The following STARD3 variants were observed in gnomAD, a reference collection of about 807,000 sequenced individuals.
STARD3 encodes the protein stAR-related lipid transfer protein 3.
STARD3 carries 39 observed loss-of-function variants against 62.0 expected under a neutral mutation model. The observed-to-expected ratio is 0.63, with a 90% CI of 0.49 to 0.82. The LOEUF is 0.82. STARD3 is among the 40% of genes least tolerant of loss of function. The probability of loss-of-function intolerance (pLI) is 0.00; values close to 1 mark genes in which losing one functional copy is unlikely to be tolerated. For synonymous variants in STARD3, 229 were observed against 242.4 expected, an observed-to-expected ratio of 0.94 and a Z score of 0.51; for missense variants, 543 against 584.5, an observed-to-expected ratio of 0.93 and a Z score of 0.73.
At chr17:39,655,413 G>A (rs951959950) in intron 2 of STARD3, among the ~76,000 whole-genome samples, 18 of 151,860 alleles carry the variant, frequency 1.2e-4, no homozygotes, top group African/African-American at 4.4e-4. Flanking sequence ...CAAACTCCTG[G>A]GCTCAAGTGA....
In STARD3 at chr17:39,660,142, C is replaced by T. The variant is rs1440314205; in HGVS notation, c.796-69C>T. 1 of 1,540,958 alleles carries T rather than the reference C, an allele frequency of 6.5e-7. No homozygotes were observed. The highest frequency in any genetic ancestry group is 1.4e-5 in the African/African-American group (1 of 73,282). Reference sequence around the variant, plus strand: ...GTTAAAAACCTGCCCTGCCTGTCACCCATTTCTGTGCCACCAGCCCACCCC... The same window carrying T: ...GTTAAAAACCTGCCCTGCCTGTCACTCATTTCTGTGCCACCAGCCCACCCC... On this transcript the variant is annotated intron_variant, in intron 9 of 14. Coordinates refer to ENST00000336308, the MANE Select transcript of STARD3 (RefSeq NM_006804.4). The surrounding 1 kb of genome is among the most constrained non-coding windows in gnomAD (Gnocchi z 4.8).
chr17:39,647,879 T>G (rs1232153317), intron 1 of STARD3, among the ~76,000 whole-genome samples: 1 of 152,218 alleles, frequency 6.6e-6, no homozygotes, highest in Non-Finnish European at 1.5e-5. Context: ...GTGTGGTGGC[T>G]CATGCCTGTA....
chr17:39,660,313 A>G lies in STARD3; in HGVS notation c.858+40A>G, dbSNP rs773563050. 6.2e-7 allele frequency: 1 copy of G among 1,613,158 alleles called. No individual in the cohort carries two copies. Among genetic ancestry groups the G allele is most frequent in the Admixed American group, 1.7e-5 (1 of 60,010 alleles). On this transcript the variant is annotated intron_variant, in intron 10 of 14. Coordinates refer to ENST00000336308, the MANE Select transcript of STARD3 (RefSeq NM_006804.4). The surrounding 1 kb of genome is among the most constrained non-coding windows in gnomAD (Gnocchi z 4.8). ...CGGGTGTCCTGGAGCCCCAGACAGC[A>G]CAGGAGGCTCCAGGAAGGTGCCGAG...
At chr17:39,641,394 A>G (rs891995586) in intron 1 of STARD3, among the ~76,000 whole-genome samples, 1 of 151,932 alleles carries the variant, frequency 6.6e-6, no homozygotes, top group African/African-American at 2.4e-5. Flanking sequence ...ACAGTGTCCT[A>G]TGATCGCGCC....
rs548144098 is a variant in STARD3, at chr17:39,656,135, G to A, written c.220-873G>A. 1.6e-4 allele frequency among the ~76,000 whole-genome samples: 25 copies of A among 152,144 alleles called. No individual in the cohort carries two copies. The South Asian group carries it at 4.8e-3, about 29-fold the overall frequency. On this transcript the variant is annotated intron_variant, in intron 2 of 14. Transcript: ENST00000336308. ...ACATGGTGGGGCTGTGTGCTCAGTG[G>A]GGGAGCATCTGTATCTTTAACAAGC...
intron 1 of STARD3, among the ~76,000 whole-genome samples, chr17:39,651,014 G>A (rs2057073088): frequency 6.6e-6 from 1 of 152,230 alleles, no homozygotes; most frequent in East Asian, 1.9e-4. Flanking sequence ...GTCTGGCACA[G>A]ATCTGGCTGA....
chr17:39,656,582 C>T (rs921492696), intron 2 of STARD3, among the ~76,000 whole-genome samples: 22 of 152,306 alleles, frequency 1.4e-4, no homozygotes, highest in African/African-American at 4.8e-4. Context: ...CCACTGCCCA[C>T]CCCCACCCCC....
At chr17:39,639,885 C>T (rs550111839) in intron 1 of STARD3, among the ~76,000 whole-genome samples, 4 of 152,234 alleles carry the variant, frequency 2.6e-5, no homozygotes, top group African/African-American at 9.6e-5. Context: ...CAGATGGCCC[C>T]TCCTCCCTGT....
intron 13 of STARD3, among the ~76,000 whole-genome samples, chr17:39,661,560 G>T (rs1192791604): frequency 1.3e-5 from 2 of 152,168 alleles, no homozygotes; most frequent in African/African-American, 4.8e-5. Flanking sequence ...TGGCCTTCCC[G>T]CATCTGTGCC....
chr17:39,659,254 C>A, intron 8 of STARD3, 148 bp downstream of exon 8: 1 of 1,142,728 alleles, frequency 8.8e-7, no homozygotes, highest in South Asian at 1.4e-5. Context: ...CACCACCAGT[C>A]CGGCCCCCCT....
chr17:39,651,147 G>A (rs1416075647), intron 1 of STARD3, among the ~76,000 whole-genome samples: 2 of 152,198 alleles, frequency 1.3e-5, no homozygotes, highest in Admixed American at 1.3e-4. Context: ...CTCAGAGTGT[G>A]GTGTTGGGAG....
rs776055171 is a variant in STARD3, at chr17:39,657,758, C to T, written c.298-17C>T. On this transcript the variant is annotated splice_polypyrimidine_tract_variant and intron_variant, in intron 3 of 14. Coordinates refer to ENST00000336308, the MANE Select transcript of STARD3 (RefSeq NM_006804.4). ...GCAGTAGCTTCCTGTGACTGCCTTG[C>T]TCCCGTCCCCCACCAGGTCCTGGCC... 6.2e-7 allele frequency: 1 copy of T among 1,614,046 alleles called. No homozygotes were observed. The highest frequency in any genetic ancestry group is 8.5e-7 in the Non-Finnish European group (1 of 1,179,926).
At chr17:39,641,157 C>G (rs1567853252) in intron 1 of STARD3, among the ~76,000 whole-genome samples, 1 of 152,198 alleles carries the variant, frequency 6.6e-6, no homozygotes. Context: ...GGATTGATGT[C>G]CAACCCCAAA....
In STARD3 at chr17:39,653,725, C is replaced by T; in HGVS notation, c.194C>T (p.Ser65Phe). 1 of 1,614,186 alleles carries T rather than the reference C, an allele frequency of 6.2e-7. No homozygotes were observed. The highest frequency in any genetic ancestry group is 8.5e-7 in the Non-Finnish European group (1 of 1,180,032). Reference sequence around the variant, plus strand: ...GTCACCTTCGACCTGCTCTTCATCTCCCTGCTCTGGATCATCGAACTGAAT... The same window carrying T: ...GTCACCTTCGACCTGCTCTTCATCTTCCTGCTCTGGATCATCGAACTGAAT... ...LFVTFDLLFISLLWIIELNTN... is the reference protein window; with the variant it reads ...LFVTFDLLFIFLLWIIELNTN... The change falls in exon 2 of 15, where the codon TCC becomes TTC. Residue 65 changes from serine to phenylalanine, a missense_variant. Ser to Phe is a radical substitution (Grantham distance 155). Transcript: ENST00000336308.
Position 39,660,480 on chromosome 17 carries a change from A to T in STARD3, c.908A>T (p.Gln303Leu), listed in dbSNP as rs2057184348. Residue 303 changes from glutamine to leucine, a missense_variant, in exon 11 of 15, where the codon CAG (glutamine) becomes CTG (leucine). Transcript: ENST00000336308. This position sits in a 1 kb window ranked among gnomAD's most constrained non-coding sequence, Gnocchi z 4.8. Reference protein sequence around the residue: ...AELVYQEVILQPERMVLWNKT... With the variant: ...AELVYQEVILLPERMVLWNKT... ...CTCGTGTACCAGGAGGTGATCCTGCAGCCCGAGAGGATGGTGCTGTGGAAC... is the reference window on the plus strand; with the variant it reads ...CTCGTGTACCAGGAGGTGATCCTGCTGCCCGAGAGGATGGTGCTGTGGAAC... The T allele has an allele frequency of 6.2e-7, 1 of 1,613,988 alleles. No homozygotes were observed. Among genetic ancestry groups the T allele is most frequent in the Non-Finnish European group, 8.5e-7 (1 of 1,180,020 alleles).
At position 39,637,211 on chromosome 17, in the gene STARD3, G is replaced by A. The variant is rs1301947826; in HGVS notation, c.-72G>A. The A allele has an allele frequency of 1.3e-5, 2 of 152,328 alleles. No homozygotes were observed. Among genetic ancestry groups the A allele is most frequent in the African/African-American group, 2.4e-5 (1 of 41,464 alleles). The allele number at this position is 152,328 out of a possible 1,614,324, so 9.4% of individuals were successfully genotyped here. A position where few individuals can be genotyped will look rare whatever the true frequency, so the allele number is the denominator to read the frequency against. On this transcript the variant is annotated 5_prime_UTR_variant, in exon 1 of 15. Transcript: ENST00000336308. ...TGCGGTTGGGGCGGGAAGAGCCGGG[G>A]CCGTGGCTGACATGGAGCAGGTGGG...
chr17:39,650,184 G>T (rs569223056), intron 1 of STARD3, among the ~76,000 whole-genome samples: 1 of 152,212 alleles, frequency 6.6e-6, no homozygotes, highest in Non-Finnish European at 1.5e-5. Context: ...CAGTCAAGGT[G>T]AGGTCATCTT....
At chr17:39,646,347 G>A (rs1045830720) in intron 1 of STARD3, among the ~76,000 whole-genome samples, 2 of 152,048 alleles carry the variant, frequency 1.3e-5, no homozygotes, top group African/African-American at 4.8e-5. Flanking sequence ...CCACCTCCCC[G>A]GCTCAAGTGA....
chr17:39,646,776 G>A (rs551596484), intron 1 of STARD3, among the ~76,000 whole-genome samples: 1 of 152,284 alleles, frequency 6.6e-6, no homozygotes, highest in African/African-American at 2.4e-5. Context: ...CTAGGGTGAG[G>A]AAGAGAAGGC....
Sources: gnomAD v4.1 joint callset for allele counts (sites outside exome capture counted in the v4.1 genomes callset) on GRCh38, gnomAD v4.1.1 for gene constraint, Gnocchi (gnomAD v3.1) non-coding constraint, MANE v1.5 for transcripts, NCBI Gene and HGNC (gene_info 2026-07-23, HGNC 2026-07-21) for gene names.